CDH12: variants seen among roughly 807,000 people sequenced by gnomAD.
CDH12 encodes the protein cadherin 12.
Under a neutral mutation model 74.1 loss-of-function variants are expected in CDH12, and 41 were observed. The observed-to-expected ratio is 0.55, with a 90% CI of 0.43 to 0.72. The LOEUF (loss-of-function observed/expected upper bound fraction) is 0.72, where lower values mean the gene tolerates loss of function less well. Ranked by LOEUF, CDH12 falls within the 30% of genes least tolerant of loss-of-function variation. The pLI is 0.00. For missense variants in CDH12, 945 were observed against 977.2 expected, an observed-to-expected ratio of 0.97 and a Z score of 0.44; for synonymous variants, 399 against 355.0, an observed-to-expected ratio of 1.12 and a Z score of -1.39.
At chr5:22,088,777 C>A (rs1743227273) in intron 4 of CDH12, among the ~76,000 whole-genome samples, 1 of 152,088 alleles carries the variant, frequency 6.6e-6, no homozygotes, top group Non-Finnish European at 1.5e-5. Flanking sequence ...ATCAAGAAGA[C>A]CTCTCATGGG....
At chr5:21,894,382 G>GAAAAA (rs376989106) in intron 6 of CDH12, among the ~76,000 whole-genome samples, 215 of 71,726 alleles carry the variant, frequency 3.0e-3, no homozygotes, top group Non-Finnish European at 3.9e-3. Context: ...CCGTCTCAAA[G>GAAAAA]AAAAAAAAAA....
intron 1 of CDH12, among the ~76,000 whole-genome samples, chr5:22,636,542 T>C (rs1417980306): frequency 1.3e-5 from 2 of 152,232 alleles, no homozygotes; most frequent in African/African-American, 2.4e-5. Context: ...GAAAATGTTA[T>C]ACTAAGTGAA....
At chr5:22,382,997 A>AT (rs1042405509) in intron 3 of CDH12, among the ~76,000 whole-genome samples, 24 of 152,098 alleles carry the variant, frequency 1.6e-4, no homozygotes, top group Admixed American at 9.2e-4. Context: ...CGCCCAGCAC[A>AT]TTTTTTGTGT....
Position 22,743,264 on chromosome 5 carries a change from A to T in CDH12, c.-523+109794T>A, listed in dbSNP as rs1025909580. 1.9e-4 allele frequency among the ~76,000 whole-genome samples: 19 copies of T among 101,134 alleles called. 1 individual carries two copies. The East Asian group carries it at 5.5e-3, about 29-fold the overall frequency. The allele number at this position is 101,134 out of a possible 152,430, so 66.3% of individuals were successfully genotyped here. A position where few individuals can be genotyped will look rare whatever the true frequency, so the allele number is the denominator to read the frequency against. ...GCATCCATAATAGCATGGAGATTAT[A>T]TATATATATATATATATGTATATAT... On this transcript the variant is annotated intron_variant, in intron 1 of 14. Transcript: ENST00000382254.
chr5:22,029,075 C>G (rs1350251393), intron 5 of CDH12, among the ~76,000 whole-genome samples: 1 of 152,150 alleles, frequency 6.6e-6, no homozygotes, highest in Non-Finnish European at 1.5e-5. Flanking sequence ...AAAGCTGAAA[C>G]TGGATCCCTT....
At chr5:22,582,668 C>T (rs1740163781) in intron 1 of CDH12, among the ~76,000 whole-genome samples, 1 of 152,126 alleles carries the variant, frequency 6.6e-6, no homozygotes, top group African/African-American at 2.4e-5. Flanking sequence ...TTTTAATTTG[C>T]ATTTCCTTAA....
At chr5:22,308,397 G>T (rs1050044688) in intron 3 of CDH12, among the ~76,000 whole-genome samples, 1 of 152,092 alleles carries the variant, frequency 6.6e-6, no homozygotes, top group African/African-American at 2.4e-5. Context: ...CTAACAGAAG[G>T]ATGGCTCAAT....
chr5:22,471,044 C>A (rs978538363), intron 2 of CDH12, among the ~76,000 whole-genome samples: 2 of 152,150 alleles, frequency 1.3e-5, no homozygotes, highest in Non-Finnish European at 2.9e-5. Context: ...AATTCCCTCT[C>A]TCACTTTCAA....
chr5:22,398,071 T>A (rs191997512), intron 3 of CDH12, among the ~76,000 whole-genome samples: 1 of 152,226 alleles, frequency 6.6e-6, no homozygotes, highest in East Asian at 1.9e-4. Context: ...TAACTTAACT[T>A]GTAGATAACC....
In CDH12 at chr5:21,776,985, T is replaced by G. The variant is rs187772344; in HGVS notation, c.1393+6373A>C. On this transcript the variant is annotated intron_variant, in intron 11 of 14. Transcript: ENST00000382254. ...TCAATATTTCAAAAAGTCTGGTATA[T>G]TAGATATTACATATCATTTCATTAT... 4.1e-3 allele frequency among the ~76,000 whole-genome samples: 629 copies of G among 152,346 alleles called. 4 individuals are homozygous for G. Among genetic ancestry groups the G allele is most frequent in the African/African-American group, 0.014 (582 of 41,578 alleles).
chr5:21,808,499 C>T (rs116409432), intron 9 of CDH12, among the ~76,000 whole-genome samples: 87 of 151,854 alleles, frequency 5.7e-4, no homozygotes, highest in Middle Eastern at 3.4e-3. Context: ...CGTCAATGAA[C>T]GCAAATGATC....
chr5:21,842,699 C>A (rs950387429), intron 7 of CDH12, among the ~76,000 whole-genome samples: 1 of 151,882 alleles, frequency 6.6e-6, no homozygotes, highest in Non-Finnish European at 1.5e-5. Flanking sequence ...ACAAAAAATG[C>A]GAAGTGGTTG....
At chr5:22,641,135 G>A (rs1257990075) in intron 1 of CDH12, among the ~76,000 whole-genome samples, 1 of 152,088 alleles carries the variant, frequency 6.6e-6, no homozygotes, top group Non-Finnish European at 1.5e-5. Flanking sequence ...CTTGATTATG[G>A]AGGCTGAGAA....
rs545464818 is a variant in CDH12 at position 22,311,214 on chromosome 5, C to T, written c.-333+94043G>A. On this transcript the variant is annotated intron_variant, in intron 3 of 14. Transcript: ENST00000382254. Reference sequence around the variant, plus strand: ...ACTGAAGAGCATAGATTCAAGTTGCCCTAAATATATATTCTGATTAGGAGC... The same window carrying T: ...ACTGAAGAGCATAGATTCAAGTTGCTCTAAATATATATTCTGATTAGGAGC... Among the ~76,000 whole-genome samples the T allele has an allele frequency of 2.6e-5, 4 of 151,754 alleles. No homozygotes were observed. In the South Asian group the frequency reaches 6.3e-4, roughly 24 times the overall value.
chr5:22,663,762 A>G lies in CDH12; in HGVS notation c.-522-158398T>C, dbSNP rs761320816. ...AGTACATAGTTCTGTTAAAGTGTTC[A>G]TTTCATTTATGCAGATTTTTGGATG... On this transcript the variant is annotated intron_variant, in intron 1 of 14. Coordinates refer to ENST00000382254, the MANE Select transcript of CDH12 (RefSeq NM_004061.5). Among the ~76,000 whole-genome samples, 282 of 152,242 alleles carry G rather than the reference A, an allele frequency of 1.9e-3. 3 individuals are homozygous for G. The highest frequency in any genetic ancestry group is 2.6e-3 in the Non-Finnish European group (178 of 67,990).
At chr5:21,821,086 T>C (rs757100270) in intron 8 of CDH12, among the ~76,000 whole-genome samples, 2 of 151,918 alleles carry the variant, frequency 1.3e-5, no homozygotes, top group Non-Finnish European at 1.5e-5. Context: ...TCCCTGTTAG[T>C]TCCAAGAGTA....
intron 1 of CDH12, among the ~76,000 whole-genome samples, chr5:22,562,859 T>A (rs1297823960): frequency 7.2e-6 from 1 of 139,518 alleles, no homozygotes; most frequent in Non-Finnish European, 1.6e-5. Flanking sequence ...TCTCTTATAG[T>A]CTATATATTT....
chr5:22,024,114 A>G (rs1027526580), intron 5 of CDH12, among the ~76,000 whole-genome samples: 10 of 152,088 alleles, frequency 6.6e-5, no homozygotes, highest in African/African-American at 2.4e-4. Context: ...AATGGAGGAT[A>G]ATTAATAATT....
chr5:22,485,745 T>A (rs1006343251), intron 2 of CDH12, among the ~76,000 whole-genome samples: 1 of 152,190 alleles, frequency 6.6e-6, no homozygotes, highest in Admixed American at 6.5e-5. Flanking sequence ...GAAATTGTTT[T>A]ATGATTTTCC....
Sources: allele counts gnomAD v4.1 joint callset (sites outside exome capture counted in the v4.1 genomes callset), GRCh38; gene constraint gnomAD v4.1.1; transcripts MANE v1.5; gene names NCBI Gene and HGNC (gene_info 2026-07-23, HGNC 2026-07-21).